Variants in DLG2 observed in about 807,000 individuals in gnomAD.
The protein encoded by DLG2 is disks large homolog 2.
A neutral mutation model predicts 132.5 loss-of-function variants in DLG2; 45 were observed. That is an observed-to-expected ratio of 0.34 (90% CI 0.27 to 0.44). The LOEUF (loss-of-function observed/expected upper bound fraction) is 0.44, where lower values mean the gene tolerates loss of function less well. Ranked by LOEUF, DLG2 falls within the 20% of genes least tolerant of loss-of-function variation. DLG2 has a pLI of 1.00. For missense variants in DLG2, 1,045 were observed against 1,196.9 expected (o/e 0.87, Z 1.87); for synonymous variants, 424 against 419.6 (o/e 1.01, Z -0.13).
At chr11:85,331,704 G>A (rs1056508944) in intron 3 of DLG2, among the ~76,000 whole-genome samples, 1 of 152,140 alleles carries the variant, frequency 6.6e-6, no homozygotes, top group Non-Finnish European at 1.5e-5. Flanking sequence ...CTGCATATAC[G>A]TGAAAACATG....
At chr11:83,819,456 C>T (rs1594895812) in intron 17 of DLG2, among the ~76,000 whole-genome samples, 1 of 82,840 alleles carries the variant, frequency 1.2e-5, no homozygotes, top group African/African-American at 4.8e-5. Flanking sequence ...GGAGACAGAG[C>T]AAGACTCTAT....
At chr11:84,795,119 A>T (rs1267312762) in intron 6 of DLG2, among the ~76,000 whole-genome samples, 2 of 152,156 alleles carry the variant, frequency 1.3e-5, no homozygotes, top group African/African-American at 4.8e-5. Context: ...CCTGTGGACC[A>T]ATCAGCATGC....
At chr11:83,485,439 A>C (rs1351662713) in intron 21 of DLG2, among the ~76,000 whole-genome samples, 1 of 152,168 alleles carries the variant, frequency 6.6e-6, no homozygotes, top group Non-Finnish European at 1.5e-5. Context: ...CATCAGATTG[A>C]CTACTACCCT....
chr11:85,265,557 C>G (rs1028491355), intron 4 of DLG2, among the ~76,000 whole-genome samples: 12 of 152,304 alleles, frequency 7.9e-5, no homozygotes, highest in African/African-American at 2.9e-4. Context: ...AGGGGTGGGT[C>G]CCTGGTGGAA....
intron 18 of DLG2, among the ~76,000 whole-genome samples, chr11:83,779,127 G>C (rs1374184383): frequency 1.3e-5 from 2 of 152,064 alleles, no homozygotes; most frequent in Admixed American, 1.3e-4. Flanking sequence ...CATAATTAAT[G>C]TAACATATTA....
At chr11:85,582,523 T>C (rs1331412861) in intron 3 of DLG2, among the ~76,000 whole-genome samples, 1 of 151,638 alleles carries the variant, frequency 6.6e-6, no homozygotes, top group African/African-American at 2.4e-5. Context: ...TATAAAATCA[T>C]GTAGAATATT....
At chr11:85,537,126 A>G (rs1224000377) in intron 3 of DLG2, among the ~76,000 whole-genome samples, 1 of 152,218 alleles carries the variant, frequency 6.6e-6, no homozygotes, top group Admixed American at 6.5e-5. Flanking sequence ...AAATGCACCA[A>G]TCAGAACTCT....
At chr11:85,203,991 TATG>T (rs1159078662) in intron 4 of DLG2, among the ~76,000 whole-genome samples, 2 of 152,114 alleles carry the variant, frequency 1.3e-5, no homozygotes. Context: ...AACATCTCTT[TATG>T]ATAAGAACTT....
chr11:84,703,127 G>C (rs1358305684), intron 6 of DLG2, among the ~76,000 whole-genome samples: 1 of 151,584 alleles, frequency 6.6e-6, no homozygotes, highest in Admixed American at 6.6e-5. Context: ...TACCTTATTA[G>C]AGAAAAATGT....
intron 6 of DLG2, among the ~76,000 whole-genome samples, chr11:84,728,979 C>A (rs2062828742): frequency 6.6e-6 from 1 of 152,044 alleles, no homozygotes; most frequent in Admixed American, 6.6e-5. Context: ...ATTCTTCTCT[C>A]TTTTCTTCTT....
At position 83,562,180 on chromosome 11, in the gene DLG2, C is replaced by T. The variant is rs184176160; in HGVS notation, c.1941-20322G>A. Among the ~76,000 whole-genome samples, 108 of 152,174 alleles carry T rather than the reference C, an allele frequency of 7.1e-4. 2 individuals are homozygous for T. The highest frequency in any genetic ancestry group is 2.3e-3 in the African/African-American group (96 of 41,502). ...GGGATTACATGCGTGAGCCACCGTG[C>T]CTGGCCTTAGTATTCCTATTCTGTA... On this transcript the variant is annotated intron_variant, in intron 19 of 27. Transcript: ENST00000376104.
intron 17 of DLG2, among the ~76,000 whole-genome samples, chr11:83,822,915 A>C (rs2153983789): frequency 6.6e-6 from 1 of 152,240 alleles, no homozygotes. Flanking sequence ...GTCATGAAAG[A>C]AGGAGGCCTA....
chr11:83,747,162 A>G (rs964709934), intron 18 of DLG2, among the ~76,000 whole-genome samples: 1 of 152,184 alleles, frequency 6.6e-6, no homozygotes, highest in Non-Finnish European at 1.5e-5. Flanking sequence ...ACTCAAAATT[A>G]CCTGCAGCCA....
At chr11:84,943,373 C>A (rs968098374) in intron 6 of DLG2, among the ~76,000 whole-genome samples, 2 of 151,884 alleles carry the variant, frequency 1.3e-5, no homozygotes, top group Non-Finnish European at 2.9e-5. Context: ...TTCCTAACTG[C>A]CTGCCTTCCT....
At chr11:85,215,108 G>C (rs1413399468) in intron 4 of DLG2, among the ~76,000 whole-genome samples, 2 of 152,154 alleles carry the variant, frequency 1.3e-5, no homozygotes, top group Non-Finnish European at 2.9e-5. Context: ...ATGGTATTAG[G>C]AGAAATGAAT....
At chr11:84,186,109 G>A (rs988322) in intron 8 of DLG2, among the ~76,000 whole-genome samples, 9,877 of 152,090 alleles carry the variant, frequency 0.065, 398 homozygotes, top group African/African-American at 0.1. Context: ...TTTGCCTTTC[G>A]CTTTTCAGCA....
chr11:84,675,113 T>C (rs1039015219), intron 6 of DLG2, among the ~76,000 whole-genome samples: 1 of 152,092 alleles, frequency 6.6e-6, no homozygotes, highest in African/African-American at 2.4e-5. Flanking sequence ...GCAAGCCAGG[T>C]AGGGAATCTG....
intron 6 of DLG2, among the ~76,000 whole-genome samples, chr11:85,096,155 G>A (rs1412125349): frequency 1.3e-5 from 2 of 152,186 alleles, no homozygotes; most frequent in Non-Finnish European, 2.9e-5. Flanking sequence ...TCTGTAAAGT[G>A]GACCAATCAG....
intron 11 of DLG2, among the ~76,000 whole-genome samples, chr11:84,034,061 A>C (rs1825331): frequency 6.6e-6 from 1 of 152,210 alleles, no homozygotes; most frequent in South Asian, 2.1e-4. Context: ...AGCCCGGGCA[A>C]CAAGAGCGAA....
Sources: allele counts gnomAD v4.1 joint callset (sites outside exome capture counted in the v4.1 genomes callset), GRCh38; gene constraint gnomAD v4.1.1; transcripts MANE v1.5; gene names NCBI Gene and HGNC (gene_info 2026-07-23, HGNC 2026-07-21).